The following TRMT1 variants were observed in gnomAD, a reference collection of about 807,000 sequenced individuals.
TRMT1 encodes tRNA (guanine(26)-N(2))-dimethyltransferase.
TRMT1 carries 63 observed loss-of-function variants against 75.4 expected under a neutral mutation model. That is an observed-to-expected ratio of 0.84 (90% CI 0.68 to 1.03). The LOEUF (loss-of-function observed/expected upper bound fraction) is 1.03, where lower values mean the gene tolerates loss of function less well. Among genes scored for constraint, TRMT1 ranks in the 50% least tolerant of loss-of-function variants. The pLI is 0.00. For synonymous variants in TRMT1, 382 were observed against 358.1 expected, an observed-to-expected ratio of 1.07 and a Z score of -0.75; for missense variants, 870 against 905.3, an observed-to-expected ratio of 0.96 and a Z score of 0.50.
Position 13,116,733 on chromosome 19 carries a change from C to T in TRMT1, c.-113G>A. On this transcript the variant is annotated 5_prime_UTR_variant, in exon 1 of 17. The change creates a new upstream start codon in the 5' untranslated region. Transcript: ENST00000357720. The stretch of plus-strand genomic sequence containing the variant: ...GGACCTGGGCGCCGCCATGTTGGCA[C>T]AGTGGGTGGGCGAATCACATGATAG... The T allele has an allele frequency of 2.9e-6, 1 of 340,314 alleles. No individual in the cohort carries two copies. The highest frequency in any genetic ancestry group is 5.5e-6 in the Non-Finnish European group (1 of 182,452). 21.1% of individuals were successfully genotyped at this position (340,314 alleles called of 1,614,324 possible). A position where few individuals can be genotyped will look rare whatever the true frequency, so the allele number is the denominator to read the frequency against.
In TRMT1 at chr19:13,116,296, G is replaced by A; in HGVS notation, c.104C>T (p.Ala35Val). The A allele has an allele frequency of 1.9e-6, 3 of 1,614,130 alleles. No individual in the cohort carries two copies. Among genetic ancestry groups the A allele is most frequent in the Non-Finnish European group, 2.5e-6 (3 of 1,180,046 alleles). The change falls in exon 2 of 17, where the codon GCA becomes GTA. Residue 35 changes from alanine to valine, a missense_variant. Ala to Val is a moderately conservative substitution (Grantham distance 64, BLOSUM62 0). Coordinates refer to ENST00000357720, the MANE Select transcript of TRMT1 (RefSeq NM_001136035.4). ...GGGCCCGGTGCCGTTCTCCATCGCTGCTGTATTCGGCAGCCCTGGAGACTG... is the reference window on the plus strand; with the variant it reads ...GGGCCCGGTGCCGTTCTCCATCGCTACTGTATTCGGCAGCCCTGGAGACTG... ...EWQSPGLPNT[A>V]AMENGTGPYG...
chr19:13,115,470 T>C lies in TRMT1; in HGVS notation c.454-4A>G. The C allele has an allele frequency of 1.9e-6, 3 of 1,611,084 alleles. No individual in the cohort carries two copies. Among genetic ancestry groups the C allele is most frequent in the Non-Finnish European group, 1.7e-6 (2 of 1,178,396 alleles). The stretch of plus-strand genomic sequence containing the variant: ...CTTCCAGCACATGCAGGCCTTCCTG[T>C]TGGAGTAAGCAGAAAACCTCCCTCA... On this transcript the variant is annotated splice_polypyrimidine_tract_variant and splice_region_variant and intron_variant, in intron 4 of 16. Transcript: ENST00000357720.
At chr19:13,115,213 G>T in intron 5 of TRMT1, 66 bp downstream of exon 5, 1 of 1,517,660 alleles carries the variant, frequency 6.6e-7, no homozygotes, top group South Asian at 1.3e-5. Flanking sequence ...GTGAGAATGT[G>T]ACAGAGCCAG....
intron 12 of TRMT1, 111 bp from the exon 13 acceptor site, chr19:13,107,970 C>T (rs188197207): frequency 3.8e-4 from 196 of 509,338 alleles, no homozygotes; most frequent in Non-Finnish European, 6.1e-4. Flanking sequence ...CTACAGAGTT[C>T]ATTTCTTTTC....
rs200308440 is a variant in TRMT1, at chr19:13,107,136, A to AT, written c.1583+437dup. 5.2e-3 allele frequency among the ~76,000 whole-genome samples: 644 copies of AT among 124,010 alleles called. 8 individuals carry two copies. The highest frequency in any genetic ancestry group is 0.019 in the African/African-American group (613 of 32,050). The allele number at this position is 124,010 out of a possible 152,430, so 81.4% of individuals were successfully genotyped here. ...CAGGCATGAGCCACCGCACCCAGCT[A>AT]TTTTTTTATTCTTTTTGAGATGGAG... On this transcript the variant is annotated intron_variant, in intron 14 of 16. Coordinates refer to ENST00000357720, the MANE Select transcript of TRMT1 (RefSeq NM_001136035.4).
intron 5 of TRMT1, 125 bp downstream of exon 5, chr19:13,115,154 A>C (rs2019288430): frequency 9.5e-7 from 1 of 1,053,186 alleles, no homozygotes; most frequent in Non-Finnish European, 1.3e-6. Context: ...GTTGACAGAC[A>C]AGGAAACTGG....
At position 13,105,034 on chromosome 19, in the gene TRMT1, C is replaced by CG. The variant is rs773036580; in HGVS notation, c.1880dup (p.Thr628AspfsTer7). 6.2e-7 allele frequency: 1 copy of CG among 1,609,926 alleles called. No individual in the cohort carries two copies. ...CAGCATCAGCAGAAACCCTGGGTGT[C>CG]GGGGGGCTGTGGGAGTAGCAGCACT... is the stretch of plus-strand genomic sequence containing the variant. On this transcript the variant is annotated frameshift_variant, in exon 17 of 17. Transcript: ENST00000357720. LOFTEE classifies it low-confidence loss of function (END_TRUNC).
In TRMT1 at chr19:13,107,422, G is replaced by A. The variant is rs1220502847; in HGVS notation, c.1583+152C>T. ...CCCAAAGTGCTGGGATTACAGGCGT[G>A]AGCCACCTACCCAGCCCCAGTCAGC... On this transcript the variant is annotated intron_variant, in intron 14 of 16. Transcript: ENST00000357720. 5 of 944,094 alleles carry A rather than the reference G, an allele frequency of 5.3e-6. No individual in the cohort carries two copies. The East Asian group carries it at 1.1e-4, about 21-fold the overall frequency. The allele number at this position is 944,094 out of a possible 1,614,324, so 58.5% of individuals were successfully genotyped here. A position where few individuals can be genotyped will look rare whatever the true frequency, so the allele number is the denominator to read the frequency against.
chr19:13,110,387 C>T (rs2019096400), intron 7 of TRMT1, 81 bp from the exon 8 acceptor site: 3 of 1,459,788 alleles, frequency 2.1e-6, no homozygotes. Context: ...CTCACAAGTA[C>T]AGGCTCAGGG....
intron 7 of TRMT1, among the ~76,000 whole-genome samples, chr19:13,111,243 C>T (rs1568368378): frequency 6.6e-6 from 1 of 152,034 alleles, no homozygotes; most frequent in African/African-American, 2.4e-5. Flanking sequence ...ATGGGGTCCT[C>T]GCTATGTTGC....
At chr19:13,106,678 G>A (rs1031353543) in intron 14 of TRMT1, among the ~76,000 whole-genome samples, 20 of 148,704 alleles carry the variant, frequency 1.3e-4, no homozygotes, top group African/African-American at 4.9e-4. Context: ...GTAGAGACAG[G>A]GTTTCGTCAT....
At chr19:13,107,893 G>A (rs764603693) in intron 12 of TRMT1, 34 bp from the exon 13 acceptor site, 9 of 1,541,646 alleles carry the variant, frequency 5.8e-6, no homozygotes, top group South Asian at 2.4e-5. Flanking sequence ...GGGAGATGCC[G>A]GACTCCTTGA....
At chr19:13,113,799 G>A (rs944225970) in intron 5 of TRMT1, among the ~76,000 whole-genome samples, 2 of 151,202 alleles carry the variant, frequency 1.3e-5, no homozygotes, top group African/African-American at 4.9e-5. Flanking sequence ...TAGTAGAGAC[G>A]AGGTTTTACC....
chr19:13,116,457 C>A (rs937773281), intron 1 of TRMT1, 26 bp from the exon 2 acceptor site: 27 of 1,543,600 alleles, frequency 1.7e-5, no homozygotes, highest in Non-Finnish European at 2.3e-5. Flanking sequence ...GGGGAGGGCA[C>A]AGAGAGGGTC....
Position 13,109,404 on chromosome 19 carries a change from G to A in TRMT1, c.1374C>T (p.Asn458=). The A allele has an allele frequency of 6.2e-7, 1 of 1,613,070 alleles. No homozygotes were observed. The highest frequency in any genetic ancestry group is 1.1e-5 in the South Asian group (1 of 91,028). ...ACCGCAACTGCAGGAGGCTTGGTGT[G>A]TTGCAGTGGATGGTGCTGCTCAGCT... ...LDQLSSTIHC[N]TPSLLQLRSA... The change falls in exon 12 of 17, where the codon AAC becomes AAT. Residue 458 remains asparagine, a synonymous_variant. Coordinates refer to ENST00000357720, the MANE Select transcript of TRMT1 (RefSeq NM_001136035.4).
intron 7 of TRMT1, among the ~76,000 whole-genome samples, chr19:13,112,283 C>T (rs2019170061): frequency 6.6e-6 from 1 of 152,116 alleles, no homozygotes. Flanking sequence ...GCCACTGCGC[C>T]CGGCCTTCAG....
chr19:13,110,423 C>T, intron 7 of TRMT1, 117 bp from the exon 8 acceptor site: 1 of 1,230,070 alleles, frequency 8.1e-7, no homozygotes. Flanking sequence ...CCAAGCCCAC[C>T]CCTGAAAGTC....
rs542840419 is a variant in TRMT1, at chr19:13,105,095, G to T, written c.1834-14C>A. The T allele has an allele frequency of 2.6e-5, 41 of 1,574,420 alleles. No homozygotes were observed. In the South Asian group the frequency reaches 4.2e-4, roughly 16 times the overall value. On this transcript the variant is annotated splice_polypyrimidine_tract_variant and intron_variant, in intron 16 of 16. Transcript: ENST00000357720. ...TTGACAGGTGCCCTGGTGGGAAGATGGTGGGTGTGAACCCCTGCCCGGAGC... is the reference window on the plus strand; with the variant it reads ...TTGACAGGTGCCCTGGTGGGAAGATTGTGGGTGTGAACCCCTGCCCGGAGC...
chr19:13,111,481 T>C (rs1411933719), intron 7 of TRMT1, among the ~76,000 whole-genome samples: 2 of 150,940 alleles, frequency 1.3e-5, no homozygotes, highest in South Asian at 2.1e-4. Context: ...CCTCCCGGGT[T>C]CAAGTGATTC....
Sources: gnomAD v4.1 joint callset for allele counts (sites outside exome capture counted in the v4.1 genomes callset) on GRCh38, gnomAD v4.1.1 for gene constraint, MANE v1.5 for transcripts, NCBI Gene and HGNC (gene_info 2026-07-23, HGNC 2026-07-21) for gene names.